The following DENND2C variants were observed in gnomAD, a reference collection of about 807,000 sequenced individuals.
DENND2C encodes DENN domain containing 2C.
Under a neutral mutation model 112.4 loss-of-function variants are expected in DENND2C, and 72 were observed. That is an observed-to-expected ratio of 0.64 (90% CI 0.53 to 0.78). The LOEUF (loss-of-function observed/expected upper bound fraction) is 0.78. Ranked by LOEUF, DENND2C falls within the 30% of genes least tolerant of loss-of-function variation. The pLI is 0.00. For missense variants in DENND2C, 992 were observed against 1,113.8 expected (o/e 0.89, Z 1.56); for synonymous variants, 329 against 381.6 (o/e 0.86, Z 1.61).
At chr1:114,667,048 A>C (rs1657665525) in intron 1 of DENND2C, among the ~76,000 whole-genome samples, 1 of 152,204 alleles carries the variant, frequency 6.6e-6, no homozygotes, top group Admixed American at 6.5e-5. Flanking sequence ...CCTTCAGTAC[A>C]ATGGACTACA....
At chr1:114,666,966 C>A (rs1369421753) in intron 1 of DENND2C, among the ~76,000 whole-genome samples, 3 of 152,078 alleles carry the variant, frequency 2.0e-5, no homozygotes, top group Non-Finnish European at 4.4e-5. Flanking sequence ...GGAAGCTTTG[C>A]AATTTTATTT....
chr1:114,661,769 G>GT (rs1415043526), intron 1 of DENND2C, among the ~76,000 whole-genome samples: 1 of 151,660 alleles, frequency 6.6e-6, no homozygotes, highest in Admixed American at 6.6e-5. Flanking sequence ...TTTTTACTTC[G>GT]TTTTTTTCTT....
chr1:114,587,976 A>C (rs1570750450), intron 18 of DENND2C, 24 bp from the exon 19 acceptor site: 1 of 1,602,224 alleles, frequency 6.2e-7, no homozygotes, highest in South Asian at 1.1e-5. Context: ...AAAAAGAAAA[A>C]AAGAAAAAAA....
intron 2 of DENND2C, among the ~76,000 whole-genome samples, chr1:114,646,922 G>A (rs749667167): frequency 1.3e-5 from 2 of 152,164 alleles, no homozygotes; most frequent in Non-Finnish European, 2.9e-5. Context: ...CACTTTGGGA[G>A]GCTGAGGTGG....
chr1:114,636,107 T>C (rs1656650335), intron 3 of DENND2C, among the ~76,000 whole-genome samples: 1 of 151,530 alleles, frequency 6.6e-6, no homozygotes, highest in South Asian at 2.1e-4. Context: ...AATGCAAGGT[T>C]GCTTTAACAT....
rs935900887 is a variant in DENND2C at position 114,595,759 on chromosome 1, C to T, written c.2325+73G>A. The T allele has an allele frequency of 1.0e-5, 14 of 1,359,444 alleles. No individual in the cohort carries two copies. In the African/African-American group the frequency reaches 1.9e-4, roughly 18 times the overall value. 84.2% of individuals were successfully genotyped at this position (1,359,444 alleles called of 1,614,324 possible). A position where few individuals can be genotyped will look rare whatever the true frequency, so the allele number is the denominator to read the frequency against. ...GAGTCATATTCTCTAAGTACTTTCA[C>T]ATATTGTCTGTCCAATTATCTACAG... On this transcript the variant is annotated intron_variant, in intron 17 of 20. Transcript: ENST00000393274.
chr1:114,613,469 A>C (rs1392094906), intron 8 of DENND2C, among the ~76,000 whole-genome samples: 2 of 152,226 alleles, frequency 1.3e-5, no homozygotes, highest in Admixed American at 6.5e-5. Flanking sequence ...AAAAATGCTT[A>C]TTTAAATATT....
chr1:114,615,981 A>C (rs1020137957), intron 8 of DENND2C, among the ~76,000 whole-genome samples: 35 of 152,306 alleles, frequency 2.3e-4, no homozygotes, highest in African/African-American at 7.5e-4. Flanking sequence ...AGGCTGAGGC[A>C]GGAGAATGGC....
chr1:114,642,806 T>C (rs1431426739), intron 3 of DENND2C, among the ~76,000 whole-genome samples: 1 of 152,166 alleles, frequency 6.6e-6, no homozygotes, highest in Non-Finnish European at 1.5e-5. Context: ...AATAAAATGT[T>C]TAAGACAGTG....
In DENND2C at chr1:114,669,967, T is replaced by C. The variant is rs1005670871; in HGVS notation, c.-574+16A>G. The C allele has an allele frequency of 6.6e-6, 1 of 152,368 alleles. No individual in the cohort carries two copies. The highest frequency in any genetic ancestry group is 2.4e-5 in the African/African-American group (1 of 41,374). The allele number at this position is 152,368 out of a possible 1,614,324, so 9.4% of individuals were successfully genotyped here. A position where few individuals can be genotyped will look rare whatever the true frequency, so the allele number is the denominator to read the frequency against. On this transcript the variant is annotated intron_variant, in intron 1 of 20. Transcript: ENST00000393274. ...CTGCGGCTTAAAACCCCGCGCCGAATCACCCCGACTCTTACCTGTCTGTAC... is the reference window on the plus strand; with the variant it reads ...CTGCGGCTTAAAACCCCGCGCCGAACCACCCCGACTCTTACCTGTCTGTAC...
At position 114,608,800 on chromosome 1, in the gene DENND2C, A is replaced by AT; in HGVS notation, c.1442dup (p.Asp481GlufsTer4). 1 of 1,614,150 alleles carries AT rather than the reference A, an allele frequency of 6.2e-7. No homozygotes were observed. The highest frequency in any genetic ancestry group is 8.5e-7 in the Non-Finnish European group (1 of 1,180,026). On this transcript the variant is annotated frameshift_variant, in exon 10 of 21. Coordinates refer to ENST00000393274, the MANE Select transcript of DENND2C (RefSeq NM_001256404.2). LOFTEE classifies it high-confidence loss of function. The stretch of plus-strand genomic sequence containing the variant: ...GCTGCTGCTCCTGTAATTCAATAAG[A>AT]TCCCGCTCCAAGGTCTGGTAGTGAG...
intron 3 of DENND2C, among the ~76,000 whole-genome samples, chr1:114,644,432 A>G (rs1329965471): frequency 1.3e-5 from 2 of 152,280 alleles, no homozygotes; most frequent in East Asian, 3.9e-4. Context: ...AATGAATGAC[A>G]AAATCCTAAA....
chr1:114,648,622 C>T (rs979898680), intron 2 of DENND2C, among the ~76,000 whole-genome samples: 7 of 152,158 alleles, frequency 4.6e-5, no homozygotes, highest in Admixed American at 4.6e-4. Flanking sequence ...GGATATACCT[C>T]TTGCCTACCT....
At chr1:114,613,927 A>C (rs1655888353) in intron 8 of DENND2C, among the ~76,000 whole-genome samples, 1 of 152,192 alleles carries the variant, frequency 6.6e-6, no homozygotes, top group South Asian at 2.1e-4. Context: ...AATACCTGAA[A>C]ACTGAAAGTT....
chr1:114,587,475 T>G lies in DENND2C; in HGVS notation c.2669-2A>C, dbSNP rs1175095289. Reference sequence around the variant, plus strand: ...GGATGGCCCGGATCTCAAACAAACCTACAAGGAAAAACTCATGTTGGTGAA... The same window carrying G: ...GGATGGCCCGGATCTCAAACAAACCGACAAGGAAAAACTCATGTTGGTGAA... On this transcript the variant is annotated splice_acceptor_variant, in intron 19 of 20. Transcript: ENST00000393274. LOFTEE classifies it high-confidence loss of function. 2 of 1,613,962 alleles carry G rather than the reference T, an allele frequency of 1.2e-6. No individual in the cohort carries two copies. The highest frequency in any genetic ancestry group is 1.3e-5 in the African/African-American group (1 of 74,914).
intron 1 of DENND2C, among the ~76,000 whole-genome samples, chr1:114,660,426 G>A (rs530392884): frequency 1.3e-5 from 2 of 152,278 alleles, no homozygotes; most frequent in African/African-American, 2.4e-5. Flanking sequence ...TGTTTTTGCT[G>A]GAGGGAAAGC....
chr1:114,646,422 A>C (rs1040514145), intron 2 of DENND2C, among the ~76,000 whole-genome samples: 14 of 152,188 alleles, frequency 9.2e-5, no homozygotes, highest in Non-Finnish European at 2.9e-5. Flanking sequence ...TAATCAAAAA[A>C]CTAGTGTGCG....
chr1:114,600,741 C>T, intron 14 of DENND2C, 79 bp downstream of exon 14: 1 of 1,523,168 alleles, frequency 6.6e-7, no homozygotes. Context: ...AATCTATCCC[C>T]TTGGGCTCTG....
chr1:114,619,559 T>G (rs1191695641), intron 7 of DENND2C, among the ~76,000 whole-genome samples: 1 of 152,170 alleles, frequency 6.6e-6, no homozygotes, highest in Non-Finnish European at 1.5e-5. Flanking sequence ...AAACATATGC[T>G]TCCAAAACAC....
Sources: gnomAD v4.1 joint callset for allele counts (sites outside exome capture counted in the v4.1 genomes callset) on GRCh38, gnomAD v4.1.1 for gene constraint, MANE v1.5 for transcripts, NCBI Gene and HGNC (gene_info 2026-07-23, HGNC 2026-07-21) for gene names.